The following CTNNA3 variants were observed in gnomAD, a reference collection of about 807,000 sequenced individuals.
CTNNA3 encodes catenin alpha 3.
Under a neutral mutation model 95.7 loss-of-function variants are expected in CTNNA3, and 76 were observed. The ratio of observed to expected loss-of-function variants is 0.79; its 90% CI spans 0.66 to 0.96. CTNNA3 has a LOEUF of 0.96. Ranked by LOEUF, CTNNA3 falls within the 40% of genes least tolerant of loss-of-function variation. The pLI, the probability that CTNNA3 is intolerant of heterozygous loss-of-function variation, is 0.00. For synonymous variants in CTNNA3, 431 were observed against 374.4 expected (o/e 1.15, Z -1.74); for missense variants, 1,191 against 1,089.8 (o/e 1.09, Z -1.31).
chr10:66,898,838 G>A (rs1303858052), intron 7 of CTNNA3, among the ~76,000 whole-genome samples: 1 of 152,162 alleles, frequency 6.6e-6, no homozygotes, highest in African/African-American at 2.4e-5. Context: ...AGAAGCTCAT[G>A]CAACAAAAGC....
intron 7 of CTNNA3, among the ~76,000 whole-genome samples, chr10:67,022,833 G>A (rs188081841): frequency 1.2e-3 from 190 of 152,226 alleles, no homozygotes; most frequent in Middle Eastern, 0.01. Context: ...AGCTACTCAG[G>A]AGGCTGAGGC....
At chr10:66,170,422 A>G (rs1181002363) in intron 13 of CTNNA3, among the ~76,000 whole-genome samples, 2 of 151,844 alleles carry the variant, frequency 1.3e-5, no homozygotes, top group African/African-American at 4.8e-5. Context: ...ACATATCAAG[A>G]TCTTTTAGAA....
At chr10:66,242,369 C>T (rs1193341407) in intron 13 of CTNNA3, among the ~76,000 whole-genome samples, 1 of 152,034 alleles carries the variant, frequency 6.6e-6, no homozygotes, top group Non-Finnish European at 1.5e-5. Context: ...TTAAAAGACA[C>T]CATTAAGAAA....
chr10:66,715,153 T>C (rs368749699), intron 9 of CTNNA3, among the ~76,000 whole-genome samples: 6 of 152,250 alleles, frequency 3.9e-5, no homozygotes, highest in South Asian at 4.1e-4. Flanking sequence ...TTTCAATAAC[T>C]TACTTACAGC....
intron 15 of CTNNA3, among the ~76,000 whole-genome samples, chr10:66,067,371 C>A (rs950096243): frequency 1.1e-4 from 16 of 152,070 alleles, no homozygotes; most frequent in African/African-American, 3.9e-4. Flanking sequence ...GACAGACAGG[C>A]CTTGCTGGGT....
At chr10:65,930,062 GTGTGCACATGCA>G (rs2077226343) in intron 17 of CTNNA3, among the ~76,000 whole-genome samples, 1 of 151,790 alleles carries the variant, frequency 6.6e-6, no homozygotes, top group African/African-American at 2.4e-5. Flanking sequence ...CAACACATTT[GTGTGCACATGCA>G]TGTGCACACA....
chr10:67,462,600 C>T (rs969232483), intron 5 of CTNNA3, among the ~76,000 whole-genome samples: 1 of 152,170 alleles, frequency 6.6e-6, no homozygotes. Flanking sequence ...TTGAATCTGG[C>T]TCTGACATGC....
chr10:67,337,373 A>C (rs1842031863), intron 5 of CTNNA3, among the ~76,000 whole-genome samples: 1 of 152,228 alleles, frequency 6.6e-6, no homozygotes, highest in African/African-American at 2.4e-5. Flanking sequence ...CTGCAATCTC[A>C]TGATAAAACT....
At chr10:67,536,879 T>C (rs1840502504) in intron 4 of CTNNA3, among the ~76,000 whole-genome samples, 1 of 152,106 alleles carries the variant, frequency 6.6e-6, no homozygotes, top group Non-Finnish European at 1.5e-5. Context: ...GCTAAATAAT[T>C]CTAATCCTGA....
intron 16 of CTNNA3, among the ~76,000 whole-genome samples, chr10:65,971,181 T>G (rs1564549178): frequency 6.6e-6 from 1 of 151,938 alleles, no homozygotes; most frequent in Non-Finnish European, 1.5e-5. Context: ...GAGGAAAGTT[T>G]ATAGCAGTAA....
At chr10:66,447,959 T>A (rs187088022) in intron 11 of CTNNA3, among the ~76,000 whole-genome samples, 1,558 of 152,086 alleles carry the variant, frequency 0.01, 33 homozygotes, top group African/African-American at 0.036. Flanking sequence ...GAATCTACAA[T>A]GAACTCAAAC....
At chr10:66,178,676 G>A (rs932344918) in intron 13 of CTNNA3, among the ~76,000 whole-genome samples, 11 of 150,812 alleles carry the variant, frequency 7.3e-5, no homozygotes, top group Non-Finnish European at 1.5e-4. Context: ...CATCAACAAA[G>A]GACTAGTATC....
At chr10:67,115,823 T>C (rs946474165) in intron 7 of CTNNA3, among the ~76,000 whole-genome samples, 2 of 151,778 alleles carry the variant, frequency 1.3e-5, no homozygotes, top group African/African-American at 4.8e-5. Context: ...GAGCTGATCT[T>C]TAGTTGTTTT....
intron 5 of CTNNA3, among the ~76,000 whole-genome samples, chr10:67,320,678 T>C (rs1393846733): frequency 2.0e-5 from 3 of 152,168 alleles, no homozygotes. Context: ...CTGGTAGGTA[T>C]TCAATAAATG....
In CTNNA3 at chr10:66,379,341, A is replaced by C. The variant is rs780966240; in HGVS notation, c.1543T>G (p.Leu515Val). The C allele has an allele frequency of 6.2e-7, 1 of 1,613,906 alleles. No individual in the cohort carries two copies. The highest frequency in any genetic ancestry group is 8.5e-7 in the Non-Finnish European group (1 of 1,179,786). ...DFLAVSESHI[L>V]EDVNKCIIAL... ...ATGATACACTTGTTGACATCTTCCA[A>C]GATATGGCTTTCTGTAAGTAAATGA... Residue 515 changes from leucine (L) to valine (V), a missense_variant, in exon 12 of 18, where the codon TTG becomes GTG. By Grantham distance (32) the Leu-to-Val change is conservative. Transcript: ENST00000433211.
intron 5 of CTNNA3, among the ~76,000 whole-genome samples, chr10:67,350,130 A>G (rs1842576838): frequency 6.6e-6 from 1 of 152,146 alleles, no homozygotes; most frequent in African/African-American, 2.4e-5. Context: ...TTTGAAAATG[A>G]CAAACTGAGG....
chr10:66,441,490 C>A (rs139835160), intron 11 of CTNNA3, among the ~76,000 whole-genome samples: 1 of 151,986 alleles, frequency 6.6e-6, no homozygotes, highest in African/African-American at 2.4e-5. Flanking sequence ...CTTGCAAATA[C>A]GAAGTAATTT....
chr10:67,041,115 G>A (rs1378878358), intron 7 of CTNNA3, among the ~76,000 whole-genome samples: 1 of 152,112 alleles, frequency 6.6e-6, no homozygotes, highest in Non-Finnish European at 1.5e-5. Context: ...GCCAAGGTAT[G>A]TCAGTTGTCT....
intron 13 of CTNNA3, among the ~76,000 whole-genome samples, chr10:66,217,675 A>G (rs1319156911): frequency 6.6e-6 from 1 of 152,134 alleles, no homozygotes; most frequent in Non-Finnish European, 1.5e-5. Context: ...CATATGGTAA[A>G]TGTATATTTA....
Sources: gnomAD v4.1 joint callset for allele counts (sites outside exome capture counted in the v4.1 genomes callset) on GRCh38, gnomAD v4.1.1 for gene constraint, MANE v1.5 for transcripts, NCBI Gene and HGNC (gene_info 2026-07-23, HGNC 2026-07-21) for gene names.